The following TENM2 variants were observed in gnomAD, a reference collection of about 807,000 sequenced individuals.
TENM2 encodes the protein teneurin transmembrane protein 2.
Under a neutral mutation model 245.2 loss-of-function variants are expected in TENM2, and 52 were observed. The observed-to-expected ratio is 0.21, with a 90% CI of 0.17 to 0.27. The LOEUF is 0.27. TENM2 is among the 10% of genes least tolerant of loss of function. The pLI is 1.00. For synonymous variants in TENM2, 1,363 were observed against 1,438.9 expected (o/e 0.95, Z 1.19); for missense variants, 3,046 against 3,666.8 (o/e 0.83, Z 4.37).
chr5:168,151,674 T>C (rs758553179), intron 12 of TENM2, among the ~76,000 whole-genome samples: 10 of 152,212 alleles, frequency 6.6e-5, no homozygotes, highest in Non-Finnish European at 1.2e-4. Flanking sequence ...TCAGAGCCAC[T>C]ACCTTCACTA....
At chr5:167,140,184 GGT>G in the TENM2 span, among the ~76,000 whole-genome samples, 1 of 152,058 alleles carries the variant, frequency 6.6e-6, no homozygotes, top group Admixed American at 6.6e-5. Context: ...ATACATAGTA[GGT>G]ATATATATTT....
chr5:167,876,662 A>G (rs1773451261), intron 3 of TENM2, among the ~76,000 whole-genome samples: 1 of 152,064 alleles, frequency 6.6e-6, no homozygotes, highest in South Asian at 2.1e-4. Context: ...TTGCTTGTTT[A>G]GATGATTTTG....
At chr5:167,633,320 T>C (rs1778991407) in intron 2 of TENM2, among the ~76,000 whole-genome samples, 1 of 152,082 alleles carries the variant, frequency 6.6e-6, no homozygotes, top group Admixed American at 6.5e-5. Context: ...GATATACTTG[T>C]CAACACTTGC....
chr5:168,142,498 C>G (rs539539379), intron 12 of TENM2, among the ~76,000 whole-genome samples: 3 of 152,276 alleles, frequency 2.0e-5, no homozygotes, highest in Non-Finnish European at 4.4e-5. Flanking sequence ...TTTTAGGAGA[C>G]ATTAAAATGT....
Position 167,678,141 on chromosome 5 carries a change from A to T in TENM2, c.503-197845A>T, listed in dbSNP as rs112659918. ...AACACATGCAGAAAAGATTAAAAAT[A>T]TCTGCCATAAAATTATGACTGTCTC... is the stretch of plus-strand genomic sequence containing the variant. On this transcript the variant is annotated intron_variant, in intron 2 of 28. Transcript: ENST00000518659. 7.9e-3 allele frequency among the ~76,000 whole-genome samples: 1,196 copies of T among 152,254 alleles called. 11 individuals carry two copies. Among genetic ancestry groups the T allele is most frequent in the African/African-American group, 0.025 (1,050 of 41,562 alleles).
At chr5:168,230,021 C>A (rs9313402) in intron 25 of TENM2, among the ~76,000 whole-genome samples, 54,706 of 152,108 alleles carry the variant, frequency 0.36, 16,196 homozygotes, top group African/African-American at 0.8. Flanking sequence ...CTAAGTTTTC[C>A]AAATAAAGAT....
chr5:167,653,470 G>C (rs11745749), intron 2 of TENM2: 3 of 152,148 alleles, frequency 2.0e-5, no homozygotes, highest in Admixed American at 2.0e-4. Flanking sequence ...CTTGACCTTA[G>C]TTGGATAGCT....
chr5:167,073,999 G>C, the TENM2 span, among the ~76,000 whole-genome samples: 2 of 152,018 alleles, frequency 1.3e-5, no homozygotes, highest in Admixed American at 6.6e-5. Flanking sequence ...TTTTCCCCTG[G>C]TCCTCTGCTG....
chr5:167,470,872 G>A (rs945319883), intron 2 of TENM2, among the ~76,000 whole-genome samples: 1 of 152,080 alleles, frequency 6.6e-6, no homozygotes, highest in African/African-American at 2.4e-5. Flanking sequence ...ATTGAAGGAG[G>A]TCTGTCATCT....
intron 2 of TENM2, among the ~76,000 whole-genome samples, chr5:167,405,800 G>GCA (rs1232276431): frequency 6.1e-5 from 5 of 81,504 alleles, no homozygotes; most frequent in East Asian, 4.3e-4. Flanking sequence ...ACACACACAC[G>GCA]CACACAGAGA....
At chr5:168,136,822 T>G (rs1322653116) in intron 12 of TENM2, among the ~76,000 whole-genome samples, 2 of 152,188 alleles carry the variant, frequency 1.3e-5, no homozygotes, top group Non-Finnish European at 2.9e-5. Context: ...CCCCTACCAT[T>G]TAGATAAGCG....
At chr5:167,711,434 GC>G (rs1248826922) in intron 2 of TENM2, among the ~76,000 whole-genome samples, 2 of 152,126 alleles carry the variant, frequency 1.3e-5, no homozygotes, top group Non-Finnish European at 2.9e-5. Flanking sequence ...TAGCCCACTG[GC>G]CCTTCCACAT....
rs541698674 is a variant in TENM2, at chr5:167,533,985, C to A, written c.502+158512C>A. Among the ~76,000 whole-genome samples the A allele has an allele frequency of 2.0e-5, 3 of 152,210 alleles. No individual in the cohort carries two copies. The East Asian group carries it at 5.8e-4, about 29-fold the overall frequency. On this transcript the variant is annotated intron_variant, in intron 2 of 28. Transcript: ENST00000518659. ...TGAACCTCTCAGAGGCTTGAAGAAG[C>A]AACAAGCTTGAGGTTTAGGCCTTGC...
At chr5:167,840,793 A>C (rs1035327204) in intron 2 of TENM2, among the ~76,000 whole-genome samples, 8 of 152,196 alleles carry the variant, frequency 5.3e-5, no homozygotes, top group African/African-American at 1.7e-4. Context: ...ATCACAAATG[A>C]ATTAATGTCA....
rs1766709065 is a variant in TENM2, at chr5:168,247,629, G to T, written c.6690G>T (p.Gly2230=). The change falls in exon 27 of 29, where the codon GGG becomes GGT. Residue 2230 remains glycine, a synonymous_variant. Transcript: ENST00000518659. This position sits in a 1 kb window ranked among gnomAD's most constrained non-coding sequence, Gnocchi z 7.8. ...GGCGCTACAGCTATGACCTTAATGG[G>T]AATCTCCACTTACTGAACCCAGGCA... is the stretch of plus-strand genomic sequence containing the variant. 1 of 1,613,904 alleles carries T rather than the reference G, an allele frequency of 6.2e-7. No individual in the cohort carries two copies. The highest frequency in any genetic ancestry group is 2.2e-5 in the East Asian group (1 of 44,872).
intron 1 of TENM2, among the ~76,000 whole-genome samples, chr5:167,374,757 T>G (rs1383356135): frequency 6.6e-6 from 1 of 152,088 alleles, no homozygotes; most frequent in East Asian, 1.9e-4. Flanking sequence ...TTAAATCCTC[T>G]GGTCCCCGGT....
At chr5:167,740,145 T>C (rs977453567) in intron 2 of TENM2, among the ~76,000 whole-genome samples, 1 of 152,208 alleles carries the variant, frequency 6.6e-6, no homozygotes, top group Admixed American at 6.5e-5. Context: ...CTTCCCATTT[T>C]CACTTACCGC....
chr5:168,123,272 C>T (rs915247813), intron 10 of TENM2, among the ~76,000 whole-genome samples: 1 of 152,066 alleles, frequency 6.6e-6, no homozygotes, highest in Non-Finnish European at 1.5e-5. Context: ...GCATTCTAGC[C>T]TGGGTGACAG....
At chr5:168,119,959 T>G (rs1795355275) in intron 10 of TENM2, among the ~76,000 whole-genome samples, 1 of 152,204 alleles carries the variant, frequency 6.6e-6, no homozygotes, top group South Asian at 2.1e-4. Context: ...TGCTAATGGA[T>G]TCATTCTTTC....
Sources: gnomAD v4.1 joint callset for allele counts (sites outside exome capture counted in the v4.1 genomes callset) on GRCh38, gnomAD v4.1.1 for gene constraint, Gnocchi (gnomAD v3.1) non-coding constraint, MANE v1.5 for transcripts, NCBI Gene and HGNC (gene_info 2026-07-23, HGNC 2026-07-21) for gene names.